GTF2A1: variants seen among roughly 807,000 people sequenced by gnomAD.
The protein encoded by GTF2A1 is transcription initiation factor IIA subunit 1.
GTF2A1 carries 12 observed loss-of-function variants against 54.1 expected under a neutral mutation model. That is an observed-to-expected ratio of 0.22 (90% confidence interval 0.14 to 0.36). The LOEUF (loss-of-function observed/expected upper bound fraction) is 0.36, where lower values mean the gene tolerates loss of function less well. GTF2A1 is among the 10% of genes least tolerant of loss of function. The probability of loss-of-function intolerance (pLI) is 1.00; values close to 1 mark genes in which losing one functional copy is unlikely to be tolerated. For synonymous variants in GTF2A1, 145 were observed against 152.0 expected, an observed-to-expected ratio of 0.95 and a Z score of 0.34; for missense variants, 335 against 442.2, an observed-to-expected ratio of 0.76 and a Z score of 2.17.
intron 8 of GTF2A1, among the ~76,000 whole-genome samples, chr14:81,182,333 C>T (rs540905809): frequency 2.0e-5 from 3 of 152,340 alleles, no homozygotes; most frequent in African/African-American, 7.2e-5. Context: ...GAATGTCTAA[C>T]GGACATACCA....
chr14:81,185,821 T>A (rs943493852), intron 7 of GTF2A1, among the ~76,000 whole-genome samples: 1 of 152,226 alleles, frequency 6.6e-6, no homozygotes, highest in Admixed American at 6.5e-5. Context: ...TTAAATTAGC[T>A]AAGCTATGTA....
intron 4 of GTF2A1, among the ~76,000 whole-genome samples, chr14:81,198,704 C>G (rs1893042117): frequency 6.6e-6 from 1 of 152,098 alleles, no homozygotes; most frequent in African/African-American, 2.4e-5. Context: ...TAGCTACCAA[C>G]CATTCATACA....
At chr14:81,194,410 G>C (rs1421968141) in intron 6 of GTF2A1, among the ~76,000 whole-genome samples, 3 of 152,218 alleles carry the variant, frequency 2.0e-5, no homozygotes, top group South Asian at 4.1e-4. Context: ...TTGTTTGGGG[G>C]AAGTGCAGGG....
intron 8 of GTF2A1, among the ~76,000 whole-genome samples, chr14:81,181,292 T>C (rs1262953846): frequency 5.3e-5 from 8 of 151,960 alleles, no homozygotes; most frequent in Non-Finnish European, 1.0e-4. Context: ...TTCCACATCT[T>C]CTGCAAAGAA....
intron 7 of GTF2A1, among the ~76,000 whole-genome samples, chr14:81,188,055 C>T (rs1316480286): frequency 6.6e-6 from 1 of 152,182 alleles, no homozygotes; most frequent in East Asian, 1.9e-4. Context: ...GTGTGGTTTT[C>T]ATTTGCATTT....
rs1170073088 is a variant in GTF2A1, at chr14:81,175,640, C to T, written c.*4583G>A. The T allele has an allele frequency of 6.6e-6, 1 of 152,122 alleles. No homozygotes were observed. The highest frequency in any genetic ancestry group is 6.5e-5 in the Admixed American group (1 of 15,276). 9.4% of individuals were successfully genotyped at this position (152,122 alleles called of 1,614,324 possible). ...CTTCTAAAATAACACAAAATATATT[C>T]AATACGCAATACAAACCTCAGTAAT... On this transcript the variant is annotated 3_prime_UTR_variant, in exon 9 of 9. Transcript: ENST00000553612.
At chr14:81,189,545 C>T (rs1892828427) in intron 7 of GTF2A1, among the ~76,000 whole-genome samples, 1 of 152,082 alleles carries the variant, frequency 6.6e-6, no homozygotes, top group South Asian at 2.1e-4. Flanking sequence ...GTGGCGGGCA[C>T]CTCTAGTCCC....
At chr14:81,183,933 C>T (rs1892687190) in intron 8 of GTF2A1, among the ~76,000 whole-genome samples, 1 of 152,166 alleles carries the variant, frequency 6.6e-6, no homozygotes, top group African/African-American at 2.4e-5. Flanking sequence ...AAGAAAACTG[C>T]TGTTCTTTAC....
At chr14:81,184,297 G>A (rs564527225) in intron 8 of GTF2A1, among the ~76,000 whole-genome samples, 8 of 152,282 alleles carry the variant, frequency 5.3e-5, no homozygotes, top group South Asian at 4.1e-4. Flanking sequence ...TAATTTGGTT[G>A]CAAGGAGATC....
chr14:81,190,773 A>G (rs536735718), intron 7 of GTF2A1, among the ~76,000 whole-genome samples: 8 of 152,286 alleles, frequency 5.3e-5, no homozygotes, highest in African/African-American at 1.7e-4. Context: ...CTTCTAATCA[A>G]TACTGTTCCC....
At chr14:81,191,229 A>T (rs1419432753) in intron 7 of GTF2A1, among the ~76,000 whole-genome samples, 2 of 152,198 alleles carry the variant, frequency 1.3e-5, no homozygotes, top group Non-Finnish European at 2.9e-5. Context: ...ACATCTGCAC[A>T]ATTATGTATT....
chr14:81,210,084 CTGCCTAATAAA>C (rs915361206), intron 2 of GTF2A1: 1 of 336,758 alleles, frequency 3.0e-6, no homozygotes, highest in African/African-American at 2.2e-5. Flanking sequence ...TTCCTGGCTC[CTGCCTAATAAA>C]TGCGAAAAAT....
intron 4 of GTF2A1, among the ~76,000 whole-genome samples, chr14:81,200,714 A>G (rs1893087254): frequency 6.6e-6 from 1 of 152,070 alleles, no homozygotes; most frequent in South Asian, 2.1e-4. Flanking sequence ...TCTTTTTACA[A>G]ATATTGATTC....
At chr14:81,208,051 T>C (rs1011603464) in intron 2 of GTF2A1, among the ~76,000 whole-genome samples, 3 of 152,302 alleles carry the variant, frequency 2.0e-5, no homozygotes, top group East Asian at 1.9e-4. Flanking sequence ...CTGGAGAAAT[T>C]TGCATAAGTA....
chr14:81,200,610 G>C (rs1233586004), intron 4 of GTF2A1, among the ~76,000 whole-genome samples: 1 of 150,430 alleles, frequency 6.6e-6, no homozygotes, highest in African/African-American at 2.4e-5. Context: ...CTGGGTGACA[G>C]GGTAAGACTC....
intron 7 of GTF2A1, 103 bp from the exon 8 acceptor site, chr14:81,185,723 T>C (rs72695724): frequency 0.05 from 29,476 of 592,070 alleles, 890 homozygotes; most frequent in Middle Eastern, 0.082. Flanking sequence ...AAATGCCAAA[T>C]GCATATATGT....
intron 2 of GTF2A1, among the ~76,000 whole-genome samples, chr14:81,212,818 T>G (rs932353668): frequency 6.6e-6 from 1 of 152,208 alleles, no homozygotes; most frequent in East Asian, 1.9e-4. Flanking sequence ...CAACCACATT[T>G]TGAGTGCTTA....
At chr14:81,200,648 A>C (rs1477969430) in intron 4 of GTF2A1, among the ~76,000 whole-genome samples, 1 of 151,766 alleles carries the variant, frequency 6.6e-6, no homozygotes. Flanking sequence ...AAAAACTTGA[A>C]CGGAGGGAAA....
At chr14:81,194,092 C>T (rs749137966) in intron 6 of GTF2A1, among the ~76,000 whole-genome samples, 12 of 152,146 alleles carry the variant, frequency 7.9e-5, no homozygotes, top group Non-Finnish European at 1.5e-4. Flanking sequence ...GTCCCCAACC[C>T]CTGTTAGAAA....
Sources: gnomAD v4.1 joint callset for allele counts (sites outside exome capture counted in the v4.1 genomes callset) on GRCh38, gnomAD v4.1.1 for gene constraint, MANE v1.5 for transcripts, NCBI Gene and HGNC (gene_info 2026-07-23, HGNC 2026-07-21) for gene names.